MCMBP: variants seen among roughly 807,000 people sequenced by gnomAD.
MCMBP encodes mini-chromosome maintenance complex-binding protein.
MCMBP carries 31 observed loss-of-function variants against 81.3 expected under a neutral mutation model. The ratio of observed to expected loss-of-function variants is 0.38; its 90% CI spans 0.29 to 0.51. MCMBP has a LOEUF of 0.51. Ranked by LOEUF, MCMBP falls within the 20% of genes least tolerant of loss-of-function variation. The probability of loss-of-function intolerance (pLI) is 0.87; values close to 1 mark genes in which losing one functional copy is unlikely to be tolerated. For synonymous variants in MCMBP, 267 were observed against 275.9 expected, an observed-to-expected ratio of 0.97 and a Z score of 0.32; for missense variants, 645 against 772.1, an observed-to-expected ratio of 0.84 and a Z score of 1.95.
intron 7 of MCMBP, 150 bp downstream of exon 7, chr10:119,849,275 T>C (rs1852726447): frequency 1.4e-6 from 1 of 736,260 alleles, no homozygotes; most frequent in African/African-American, 1.9e-5. Flanking sequence ...GCCTGTAAGA[T>C]GATAAACTTT....
In MCMBP at chr10:119,872,290, G is replaced by A. The variant is rs185424795; in HGVS notation, c.58+237C>T. Among the ~76,000 whole-genome samples the A allele has an allele frequency of 8.5e-3, 1,295 of 152,052 alleles. 15 individuals carry two copies. The highest frequency in any genetic ancestry group is 0.029 in the African/African-American group (1,210 of 41,496). ...CCGCGCCCCACGACTTCACCTTGGC[G>A]GCTCCCAAGCTGCGACTCGGGCAGG... On this transcript the variant is annotated intron_variant, in intron 1 of 15. Transcript: ENST00000369077.
At chr10:119,863,128 T>C (rs1853320223) in intron 1 of MCMBP, among the ~76,000 whole-genome samples, 1 of 152,338 alleles carries the variant, frequency 6.6e-6, no homozygotes, top group East Asian at 1.9e-4. Flanking sequence ...TAGAATTTTT[T>C]TTTACAGAAC....
At chr10:119,831,892 C>T (rs953625665) in intron 15 of MCMBP, 120 bp downstream of exon 15, 23 of 1,040,720 alleles carry the variant, frequency 2.2e-5, no homozygotes, top group East Asian at 2.0e-4. Context: ...TTTCATACAG[C>T]GTTTTTAAAA....
chr10:119,867,074 C>T (rs1007636362), intron 1 of MCMBP, among the ~76,000 whole-genome samples: 1 of 151,778 alleles, frequency 6.6e-6, no homozygotes, highest in African/African-American at 2.4e-5. Flanking sequence ...TGGTGGATCA[C>T]GAGGGCAGAG....
intron 10 of MCMBP, among the ~76,000 whole-genome samples, chr10:119,841,822 C>T (rs1852443489): frequency 1.3e-5 from 2 of 152,230 alleles, no homozygotes; most frequent in Admixed American, 6.5e-5. Flanking sequence ...TAAACGTGCA[C>T]ATGACGTGGG....
intron 5 of MCMBP, among the ~76,000 whole-genome samples, chr10:119,854,952 CAAA>C (rs748009891): frequency 1.4e-5 from 2 of 144,214 alleles, no homozygotes; most frequent in Non-Finnish European, 3.0e-5. Flanking sequence ...GACTCTGCCT[CAAA>C]AAAAAAAAAA....
chr10:119,842,070 G>A (rs1355827285), intron 10 of MCMBP, among the ~76,000 whole-genome samples: 19 of 152,160 alleles, frequency 1.2e-4, no homozygotes, highest in Admixed American at 1.2e-3. Flanking sequence ...TCTCACAGGA[G>A]CGCGAACCCT....
Position 119,864,583 on chromosome 10 carries a change from AT to A in MCMBP, c.59-4700del, listed in dbSNP as rs146839802. Among the ~76,000 whole-genome samples the A allele has an allele frequency of 8.6e-3, 868 of 101,124 alleles. 5 individuals carry two copies. The highest frequency in any genetic ancestry group is 0.03 in the African/African-American group (770 of 25,722). 66.3% of individuals were successfully genotyped at this position (101,124 alleles called of 152,430 possible). On this transcript the variant is annotated intron_variant, in intron 1 of 15. Coordinates refer to ENST00000369077, the MANE Select transcript of MCMBP (RefSeq NM_001256378.2). ...TGGCTAGAGGTTTACAATTTTATTGATTTTTTTTTTAAAGAGCTTTGAGTTT... is the reference window on the plus strand; with the variant it reads ...TGGCTAGAGGTTTACAATTTTATTGATTTTTTTTTAAAGAGCTTTGAGTTT...
chr10:119,850,551 C>T (rs1852773877), intron 6 of MCMBP, among the ~76,000 whole-genome samples: 1 of 151,922 alleles, frequency 6.6e-6, no homozygotes, highest in African/African-American at 2.4e-5. Context: ...AGATTGAGAC[C>T]ATCCTGGCTA....
rs1852471564 is a variant in MCMBP at position 119,842,590 on chromosome 10, AAAC to A, written c.1003_1005del (p.Val335del). ...GGAGACAATTCGGACATGAAACTTG[AAAC>A]AACTGAAGGAGAAAGGAAGACCTGA... On this transcript the variant is annotated inframe_deletion and splice_region_variant, in exon 10 of 16. Transcript: ENST00000369077. 3.7e-6 allele frequency: 6 copies of A among 1,612,858 alleles called. No individual in the cohort carries two copies. Among genetic ancestry groups the A allele is most frequent in the Non-Finnish European group, 5.1e-6 (6 of 1,179,484 alleles).
chr10:119,838,350 G>A (rs116973028), intron 12 of MCMBP, among the ~76,000 whole-genome samples, 185 bp downstream of exon 12: 2 of 150,760 alleles, frequency 1.3e-5, no homozygotes, highest in Non-Finnish European at 3.0e-5. Flanking sequence ...AGAATACTAT[G>A]GCAAAACATA....
At chr10:119,833,646 G>T (rs1268380593) in intron 14 of MCMBP, among the ~76,000 whole-genome samples, 1 of 152,160 alleles carries the variant, frequency 6.6e-6, no homozygotes, top group Non-Finnish European at 1.5e-5. Context: ...ATTCCAGCCT[G>T]GGTGATACAG....
At chr10:119,863,601 C>T (rs1297730757) in intron 1 of MCMBP, among the ~76,000 whole-genome samples, 9 of 151,730 alleles carry the variant, frequency 5.9e-5, no homozygotes, top group Non-Finnish European at 7.4e-5. Flanking sequence ...TGGTGGCACA[C>T]GCCTGTAATC....
intron 5 of MCMBP, among the ~76,000 whole-genome samples, chr10:119,854,952 C>CAAAAAAAAAAAAAA (rs748009891): frequency 6.9e-6 from 1 of 144,222 alleles, no homozygotes; most frequent in Non-Finnish European, 1.5e-5. Flanking sequence ...GACTCTGCCT[C>CAAAAAAAAAAAAAA]AAAAAAAAAA....
In MCMBP at chr10:119,863,506, C is replaced by T. The variant is rs1219378971; in HGVS notation, c.59-3622G>A. 4.6e-5 allele frequency among the ~76,000 whole-genome samples: 7 copies of T among 151,500 alleles called. No homozygotes were observed. The South Asian group carries it at 6.2e-4, about 14-fold the overall frequency. ...CAGCACTTTGGGAGGCCGAGGCGGG[C>T]GGATCACCTGTCAGGAGTTCAAGAC... On this transcript the variant is annotated intron_variant, in intron 1 of 15. Transcript: ENST00000369077.
intron 6 of MCMBP, among the ~76,000 whole-genome samples, chr10:119,851,412 C>G (rs1852820219): frequency 6.6e-6 from 1 of 152,120 alleles, no homozygotes; most frequent in South Asian, 2.1e-4. Flanking sequence ...AATACACACT[C>G]GAATATATTA....
Position 119,831,255 on chromosome 10 carries a change from AATT to A in MCMBP, c.*216_*218del, listed in dbSNP as rs1208934425. The A allele has an allele frequency of 3.8e-4, 119 of 311,668 alleles. No individual in the cohort carries two copies. The South Asian group carries it at 6.7e-3, about 18-fold the overall frequency. 19.3% of individuals were successfully genotyped at this position (311,668 alleles called of 1,614,324 possible). A position where few individuals can be genotyped will look rare whatever the true frequency, so the allele number is the denominator to read the frequency against. ...TTTTTACATCATTACTAATTTATATAATTATTATAAAACAAACTTCAAAAGCTC... is the reference window on the plus strand; with the variant it reads ...TTTTTACATCATTACTAATTTATATAATTATAAAACAAACTTCAAAAGCTC... On this transcript the variant is annotated 3_prime_UTR_variant, in exon 16 of 16. Transcript: ENST00000369077.
At chr10:119,863,741 A>C (rs1853348185) in intron 1 of MCMBP, among the ~76,000 whole-genome samples, 1 of 84,586 alleles carries the variant, frequency 1.2e-5, no homozygotes, top group Non-Finnish European at 2.7e-5. Flanking sequence ...AAAAAAAAAA[A>C]AAAAAAAAAA....
intron 7 of MCMBP, 86 bp from the exon 8 acceptor site, chr10:119,847,799 T>G: frequency 1.4e-6 from 1 of 694,642 alleles, no homozygotes; most frequent in Non-Finnish European, 2.4e-6. Flanking sequence ...TCTTGGAATT[T>G]TAGATCAGGA....
Sources: gnomAD v4.1 joint callset for allele counts (sites outside exome capture counted in the v4.1 genomes callset) on GRCh38, gnomAD v4.1.1 for gene constraint, MANE v1.5 for transcripts, NCBI Gene and HGNC (gene_info 2026-07-23, HGNC 2026-07-21) for gene names.